The following STX8 variants were observed in gnomAD, a reference collection of about 807,000 sequenced individuals.
The protein encoded by STX8 is syntaxin 8.
In STX8, 23 loss-of-function variants were observed where a neutral mutation model predicts 37.5. That is an observed-to-expected ratio of 0.61 (90% confidence interval 0.44 to 0.87). STX8 has a LOEUF of 0.87. Ranked by LOEUF, STX8 falls within the 40% of genes least tolerant of loss-of-function variation. STX8 has a pLI of 0.00. For missense variants in STX8, 313 were observed against 284.7 expected (o/e 1.10, Z -0.71); for synonymous variants, 115 against 99.1 (o/e 1.16, Z -0.95).
intron 2 of STX8, among the ~76,000 whole-genome samples, chr17:9,559,024 C>G (rs114674472): frequency 5.3e-5 from 8 of 152,108 alleles, no homozygotes; most frequent in African/African-American, 1.9e-4. Context: ...AAAAAAACAT[C>G]AAGTCATAAA....
intron 7 of STX8, among the ~76,000 whole-genome samples, chr17:9,260,570 G>A (rs1024301458): frequency 2.0e-5 from 3 of 152,170 alleles, no homozygotes; most frequent in Non-Finnish European, 4.4e-5. Flanking sequence ...GTTGCAGTGA[G>A]CCGAGATCGT....
At chr17:9,271,180 G>A (rs541468673) in intron 7 of STX8, among the ~76,000 whole-genome samples, 7 of 152,352 alleles carry the variant, frequency 4.6e-5, no homozygotes, top group Admixed American at 6.5e-5. Flanking sequence ...CAGGCTGGAC[G>A]TAGTGGCTCA....
intron 6 of STX8, among the ~76,000 whole-genome samples, chr17:9,420,445 C>T (rs1387169450): frequency 1.3e-5 from 2 of 152,080 alleles, no homozygotes; most frequent in African/African-American, 4.8e-5. Context: ...TAAATGTCCC[C>T]TCTCCTTCTC....
At chr17:9,571,151 T>C (rs532559878) in intron 1 of STX8, among the ~76,000 whole-genome samples, 43 of 151,884 alleles carry the variant, frequency 2.8e-4, no homozygotes, top group African/African-American at 1.0e-3. Flanking sequence ...CCTAAAGAGG[T>C]TATGAGAAAT....
At chr17:9,274,715 A>AATAATAATAATAAT (rs1555586560) in intron 7 of STX8, among the ~76,000 whole-genome samples, 26 of 101,534 alleles carry the variant, frequency 2.6e-4, no homozygotes, top group Admixed American at 4.2e-4. Context: ...TAATAATAAT[A>AATAATAATAATAAT]AACAAAGTCT....
intron 7 of STX8, among the ~76,000 whole-genome samples, chr17:9,341,519 C>T (rs961942419): frequency 2.6e-5 from 4 of 152,164 alleles, no homozygotes; most frequent in African/African-American, 9.7e-5. Context: ...TCACTGCAAC[C>T]TCTGTCTCCT....
At chr17:9,364,046 T>C (rs1303557361) in intron 7 of STX8, among the ~76,000 whole-genome samples, 2 of 152,164 alleles carry the variant, frequency 1.3e-5, no homozygotes, top group African/African-American at 4.8e-5. Flanking sequence ...TTTTCCACAG[T>C]AGGAACTCAA....
At chr17:9,545,047 A>T in intron 4 of STX8, 125 bp downstream of exon 4, 1 of 640,504 alleles carries the variant, frequency 1.6e-6, no homozygotes, top group South Asian at 2.0e-5. Flanking sequence ...AATTATAGTC[A>T]AACACCATAA....
At position 9,568,363 on chromosome 17, in the gene STX8, G is replaced by C; in HGVS notation, c.117+8C>G. ...AATCATTGGGTACTAATTCCTTCAT[G>C]GTATTACCTTTGGTGCCTTTTCACC... On this transcript the variant is annotated splice_region_variant and intron_variant, in intron 2 of 7. Transcript: ENST00000306357. The C allele has an allele frequency of 6.2e-7, 1 of 1,602,292 alleles. No individual in the cohort carries two copies. Among genetic ancestry groups the C allele is most frequent in the African/African-American group, 1.3e-5 (1 of 74,746 alleles).
chr17:9,531,667 A>T (rs908480375), intron 4 of STX8, among the ~76,000 whole-genome samples: 1 of 152,170 alleles, frequency 6.6e-6, no homozygotes, highest in African/African-American at 2.4e-5. Context: ...TCAGGAATCC[A>T]CTGAGGGTCT....
intron 6 of STX8, among the ~76,000 whole-genome samples, chr17:9,386,740 G>A: frequency 6.6e-6 from 1 of 152,162 alleles, no homozygotes; most frequent in East Asian, 1.9e-4. Flanking sequence ...CTGGTAACAT[G>A]GAAACTCATG....
chr17:9,557,667 C>T (rs544430017), intron 2 of STX8, 139 bp from the exon 3 acceptor site: 38 of 709,584 alleles, frequency 5.4e-5, no homozygotes, highest in Non-Finnish European at 8.1e-5. Flanking sequence ...CCCCTCACGA[C>T]AAACTCAGGG....
At chr17:9,512,454 G>C (rs985669476) in intron 4 of STX8, among the ~76,000 whole-genome samples, 2 of 151,544 alleles carry the variant, frequency 1.3e-5, no homozygotes, top group African/African-American at 2.4e-5. Context: ...CATGTATCTA[G>C]AGCCAACTGA....
In STX8 at chr17:9,575,049, C is replaced by G. The variant is rs181428110; in HGVS notation, c.17+743G>C. Among the ~76,000 whole-genome samples, 133 of 152,158 alleles carry G rather than the reference C, an allele frequency of 8.7e-4. 2 individuals carry two copies. The highest frequency in any genetic ancestry group is 3.1e-4 in the Non-Finnish European group (21 of 68,026). On this transcript the variant is annotated intron_variant, in intron 1 of 7. Coordinates refer to ENST00000306357, the MANE Select transcript of STX8 (RefSeq NM_004853.3). ...CTGTAATATGTTTTTAATTATTAAGCAGAAAGGTCAAGTCTATGTTCAATA... is the reference window on the plus strand; with the variant it reads ...CTGTAATATGTTTTTAATTATTAAGGAGAAAGGTCAAGTCTATGTTCAATA...
At chr17:9,301,232 G>A (rs986605222) in intron 7 of STX8, among the ~76,000 whole-genome samples, 1 of 152,106 alleles carries the variant, frequency 6.6e-6, no homozygotes, top group Non-Finnish European at 1.5e-5. Flanking sequence ...TGATAATACA[G>A]TGTGTGTCCT....
intron 6 of STX8, among the ~76,000 whole-genome samples, chr17:9,403,000 C>A (rs917914520): frequency 6.6e-6 from 1 of 152,196 alleles, no homozygotes; most frequent in Non-Finnish European, 1.5e-5. Flanking sequence ...CGCCACAGCC[C>A]TCCTGACATG....
intron 4 of STX8, among the ~76,000 whole-genome samples, chr17:9,533,563 T>G (rs1905904532): frequency 6.6e-6 from 1 of 152,178 alleles, no homozygotes; most frequent in Non-Finnish European, 1.5e-5. Context: ...CCAGCTTCTT[T>G]AAAAAGTGAA....
At chr17:9,289,256 C>T (rs754070904) in intron 7 of STX8, among the ~76,000 whole-genome samples, 4 of 152,136 alleles carry the variant, frequency 2.6e-5, no homozygotes, top group Non-Finnish European at 5.9e-5. Flanking sequence ...TTCCCAAGTA[C>T]TCTTTCTTAG....
chr17:9,482,015 G>GA (rs1218113830), intron 6 of STX8, among the ~76,000 whole-genome samples: 2 of 152,134 alleles, frequency 1.3e-5, no homozygotes, highest in Non-Finnish European at 2.9e-5. Context: ...TTAACAAAAA[G>GA]AATCTTCTAA....
Sources: gnomAD v4.1 joint callset for allele counts (sites outside exome capture counted in the v4.1 genomes callset) on GRCh38, gnomAD v4.1.1 for gene constraint, MANE v1.5 for transcripts, NCBI Gene and HGNC (gene_info 2026-07-23, HGNC 2026-07-21) for gene names.